The following DCAF5 variants were observed in gnomAD, a reference collection of about 807,000 sequenced individuals.
DCAF5 encodes DDB1 and CUL4 associated factor 5, also known as DDB1- and CUL4-associated factor 5.
In DCAF5, 9 loss-of-function variants were observed where a neutral mutation model predicts 80.7. The ratio of observed to expected loss-of-function variants is 0.11; its 90% CI spans 0.07 to 0.19. DCAF5 has a LOEUF of 0.19. Ranked by LOEUF, DCAF5 falls within the 10% of genes least tolerant of loss-of-function variation. DCAF5 has a pLI of 1.00. For missense variants in DCAF5, 842 were observed against 1,205.7 expected (o/e 0.70, Z 4.47); for synonymous variants, 433 against 461.9 (o/e 0.94, Z 0.80).
intron 5 of DCAF5, among the ~76,000 whole-genome samples, chr14:69,102,344 A>G (rs545378488): frequency 4.1e-4 from 62 of 151,904 alleles, no homozygotes; most frequent in Middle Eastern, 3.4e-3. Context: ...CCCGACCTCA[A>G]GTGATCCCTG....
At chr14:69,089,001 A>G (rs2039438688) in intron 6 of DCAF5, among the ~76,000 whole-genome samples, 1 of 152,208 alleles carries the variant, frequency 6.6e-6, no homozygotes, top group Admixed American at 6.5e-5. Context: ...CACTTAAAAA[A>G]AACTATAAGT....
chr14:69,086,111 C>G (rs567767538), intron 6 of DCAF5, among the ~76,000 whole-genome samples: 1 of 152,284 alleles, frequency 6.6e-6, no homozygotes, highest in African/African-American at 2.4e-5. Flanking sequence ...AATCCCAGCA[C>G]TTTGGGAGGC....
intron 1 of DCAF5, among the ~76,000 whole-genome samples, chr14:69,145,776 C>A (rs538680034): frequency 5.9e-5 from 9 of 152,256 alleles, no homozygotes; most frequent in Middle Eastern, 3.4e-3. Flanking sequence ...CTTTAAAAGA[C>A]TTTCATTCCA....
intron 1 of DCAF5, among the ~76,000 whole-genome samples, chr14:69,144,480 G>C (rs1435412385): frequency 6.6e-6 from 1 of 151,990 alleles, no homozygotes. Flanking sequence ...GCTGAGGCAG[G>C]AGAATGGCAT....
chr14:69,054,439 G>A lies in DCAF5; in HGVS notation c.2247C>T (p.His749=), dbSNP rs1366782373. Residue 749 remains histidine (H), a synonymous_variant, in exon 9 of 9, where the codon CAC becomes CAT. Coordinates refer to ENST00000341516, the MANE Select transcript of DCAF5 (RefSeq NM_003861.3). ...GCACCTCTGCCCAAGCATGGCTGCT[G>A]TGCTCATGGCCTGGGCCATTGCTGG... The part of the protein sequence containing the change: ...RTPSNGPGHE[H]SSHAWAEVPE... 19 of 1,613,936 alleles carry A rather than the reference G, an allele frequency of 1.2e-5. No homozygotes were observed. Among genetic ancestry groups the A allele is most frequent in the East Asian group, 2.2e-5 (1 of 44,898 alleles).
chr14:69,080,052 T>C (rs967661827), intron 6 of DCAF5, among the ~76,000 whole-genome samples: 1 of 152,062 alleles, frequency 6.6e-6, no homozygotes, highest in African/African-American at 2.4e-5. Flanking sequence ...AGAAGAGTAT[T>C]CCAGGAGAGC....
At chr14:69,108,724 T>C (rs1209634496) in intron 5 of DCAF5, among the ~76,000 whole-genome samples, 1 of 152,198 alleles carries the variant, frequency 6.6e-6, no homozygotes, top group Non-Finnish European at 1.5e-5. Flanking sequence ...GCATGAGTAC[T>C]GTAAACCTAT....
At chr14:69,140,447 C>T (rs994127267) in intron 1 of DCAF5, among the ~76,000 whole-genome samples, 2 of 152,056 alleles carry the variant, frequency 1.3e-5, no homozygotes, top group Admixed American at 1.3e-4. Flanking sequence ...TTTTTTCTTG[C>T]TTATTTAATT....
In DCAF5 at chr14:69,055,409, T is replaced by C; in HGVS notation, c.1277A>G (p.Glu426Gly). The change falls in exon 9 of 9, where the codon GAG becomes GGG. Residue 426 changes from glutamate (E) to glycine (G), a missense_variant. This residue lies in a region of DCAF5 where 65 missense variants were observed against 191.3 expected (regional missense o/e 0.34). Transcript: ENST00000341516. This position sits in a 1 kb window ranked among gnomAD's most constrained non-coding sequence, Gnocchi z 5.6. ...MAFFDSLVRR[E>G]IEGWSSDSDS... The stretch of plus-strand genomic sequence containing the variant: ...TGAGTCAGAGCTCCAGCCCTCGATC[T>C]CTCGGCGTACCAGTGAGTCAAAGAA... The C allele has an allele frequency of 6.2e-7, 1 of 1,614,150 alleles. No individual in the cohort carries two copies. Among genetic ancestry groups the C allele is most frequent in the Non-Finnish European group, 8.5e-7 (1 of 1,180,020 alleles).
rs182427634 is a variant in DCAF5, at chr14:69,054,749, C to T, written c.1937G>A (p.Arg646Gln). The T allele has an allele frequency of 7.0e-5, 113 of 1,614,208 alleles. No homozygotes were observed. Among genetic ancestry groups the T allele is most frequent in the Admixed American group, 4.3e-4 (26 of 60,028 alleles). The change falls in exon 9 of 9, where the codon CGG becomes CAG. Residue 646 changes from arginine to glutamine, a missense_variant. Transcript: ENST00000341516. ...STSTLEIQPS[R>Q]ASPTSDIESV... ...TTCTATGTCAGAAGTTGGTGATGCC[C>T]GGCTTGGTTGAATCTCTAGCGTGGA... is the stretch of plus-strand genomic sequence containing the variant.
At chr14:69,140,674 A>G (rs536560624) in intron 1 of DCAF5, among the ~76,000 whole-genome samples, 1 of 152,216 alleles carries the variant, frequency 6.6e-6, no homozygotes, top group East Asian at 1.9e-4. Context: ...AATAAGAACT[A>G]TAAGATGATG....
intron 6 of DCAF5, chr14:69,091,024 A>T: frequency 1.4e-6 from 1 of 715,820 alleles, no homozygotes; most frequent in Non-Finnish European, 2.6e-6. Context: ...TATGGTTAAG[A>T]CAGAAAGGTG....
chr14:69,131,429 G>A (rs1415082502), intron 1 of DCAF5, among the ~76,000 whole-genome samples: 5 of 144,034 alleles, frequency 3.5e-5, no homozygotes, highest in African/African-American at 1.2e-4. Context: ...GGCACAGTCT[G>A]TGTGACACAC....
intron 8 of DCAF5, among the ~76,000 whole-genome samples, chr14:69,057,270 A>G (rs1277149079): frequency 6.6e-6 from 1 of 152,202 alleles, no homozygotes; most frequent in African/African-American, 2.4e-5. Flanking sequence ...CTATCTCTGC[A>G]AAGAGATGTC....
At chr14:69,095,224 G>T (rs2039661929) in intron 5 of DCAF5, among the ~76,000 whole-genome samples, 1 of 152,184 alleles carries the variant, frequency 6.6e-6, no homozygotes, top group South Asian at 2.1e-4. Flanking sequence ...TCTTGATAAT[G>T]AAAATGCCAC....
chr14:69,110,876 CAAAAAAAA>C (rs35812611), intron 5 of DCAF5, among the ~76,000 whole-genome samples: 39 of 45,496 alleles, frequency 8.6e-4, no homozygotes, highest in African/African-American at 3.5e-3. Context: ...GACCCTGTCT[CAAAAAAAA>C]AAAAAAAAAA....
intron 1 of DCAF5, among the ~76,000 whole-genome samples, chr14:69,141,663 G>A (rs950236327): frequency 1.3e-5 from 2 of 152,128 alleles, no homozygotes; most frequent in African/African-American, 2.4e-5. Context: ...GGTTACAAAG[G>A]ATCCCAACAA....
At chr14:69,057,053 T>C (rs116107951) in intron 8 of DCAF5, among the ~76,000 whole-genome samples, 100 of 152,336 alleles carry the variant, frequency 6.6e-4, no homozygotes, top group African/African-American at 2.3e-3. Context: ...TGTTGATTCC[T>C]CAGTCCCACT....
At chr14:69,149,354 C>T (rs1476361346) in intron 1 of DCAF5, 4 of 152,182 alleles carry the variant, frequency 2.6e-5, no homozygotes, top group African/African-American at 9.7e-5. Context: ...AGTACTTTTT[C>T]GGTTAAAGTA....
Sources: allele counts gnomAD v4.1 joint callset (sites outside exome capture counted in the v4.1 genomes callset), GRCh38; gene constraint gnomAD v4.1.1; regional missense constraint gnomAD v4.1.1; non-coding constraint Gnocchi (gnomAD v3.1); transcripts MANE v1.5; gene names NCBI Gene and HGNC (gene_info 2026-07-23, HGNC 2026-07-21).